The following GALNT13 variants were observed in gnomAD, a reference collection of about 807,000 sequenced individuals.
The protein encoded by GALNT13 is polypeptide N-acetylgalactosaminyltransferase 13.
GALNT13 carries 28 observed loss-of-function variants against 64.2 expected under a neutral mutation model. That is an observed-to-expected ratio of 0.44 (90% CI 0.32 to 0.60). The LOEUF is 0.60. GALNT13 is among the 20% of genes least tolerant of loss of function. The pLI is 0.05. For synonymous variants in GALNT13, 214 were observed against 224.6 expected, an observed-to-expected ratio of 0.95 and a Z score of 0.42; for missense variants, 577 against 669.8, an observed-to-expected ratio of 0.86 and a Z score of 1.53.
At chr2:153,650,350 A>C in the GALNT13 span, among the ~76,000 whole-genome samples, 3 of 152,056 alleles carry the variant, frequency 2.0e-5, no homozygotes, top group Non-Finnish European at 4.4e-5. Context: ...TTTTGAGCCT[A>C]TGTGTGTCTC....
At chr2:153,360,849 C>T in the GALNT13 span, among the ~76,000 whole-genome samples, 1 of 152,152 alleles carries the variant, frequency 6.6e-6, no homozygotes, top group Admixed American at 6.5e-5. Flanking sequence ...CAGCATGGCA[C>T]ACCTCCTCCA....
chr2:154,016,565 G>A (rs978057399), intron 3 of GALNT13, among the ~76,000 whole-genome samples: 16 of 152,178 alleles, frequency 1.1e-4, no homozygotes, highest in Admixed American at 2.6e-4. Context: ...CTACAGTCAT[G>A]CGCCACCATG....
chr2:153,440,289 T>C, the GALNT13 span, among the ~76,000 whole-genome samples: 5 of 152,228 alleles, frequency 3.3e-5, no homozygotes, highest in Non-Finnish European at 5.9e-5. Context: ...CTCATCCTTT[T>C]TCATGGCTGC....
At chr2:153,576,376 A>G in the GALNT13 span, among the ~76,000 whole-genome samples, 6 of 152,110 alleles carry the variant, frequency 3.9e-5, no homozygotes, top group South Asian at 2.1e-4. Context: ...TTTCTTCAAG[A>G]CCCAGAGCAC....
intron 4 of GALNT13, among the ~76,000 whole-genome samples, chr2:154,241,171 G>C (rs1396932096): frequency 2.0e-5 from 3 of 152,154 alleles, no homozygotes. Flanking sequence ...CTGCCTTCTA[G>C]AGTCTGGGGG....
intron 4 of GALNT13, among the ~76,000 whole-genome samples, chr2:154,182,053 A>G (rs962290476): frequency 2.2e-4 from 33 of 152,176 alleles, no homozygotes; most frequent in African/African-American, 7.7e-4. Context: ...AATATCAAAC[A>G]CTATGCTAAC....
At chr2:154,026,493 A>G (rs1697974690) in intron 3 of GALNT13, among the ~76,000 whole-genome samples, 1 of 152,200 alleles carries the variant, frequency 6.6e-6, no homozygotes, top group Admixed American at 6.5e-5. Context: ...GGTATAAACA[A>G]CAGAAATTTA....
intron 3 of GALNT13, among the ~76,000 whole-genome samples, chr2:154,077,829 T>TG (rs1250263533): frequency 1.3e-5 from 2 of 151,490 alleles, no homozygotes; most frequent in Non-Finnish European, 3.0e-5. Context: ...TCTGTCCACA[T>TG]GGGGGAAGGT....
At chr2:153,097,809 G>A in the GALNT13 span, among the ~76,000 whole-genome samples, 3 of 152,124 alleles carry the variant, frequency 2.0e-5, no homozygotes, top group African/African-American at 7.2e-5. Context: ...AGTGGCTCAA[G>A]CCTGTAAGCC....
At chr2:154,245,466 C>A in intron 6 of GALNT13, among the ~76,000 whole-genome samples, 1 of 152,116 alleles carries the variant, frequency 6.6e-6, no homozygotes, top group East Asian at 1.9e-4. Flanking sequence ...TATTTCTTTT[C>A]AATGGATTAT....
intron 8 of GALNT13, among the ~76,000 whole-genome samples, chr2:154,298,608 T>TAAATTGTATGTA (rs1190599505): frequency 2.6e-4 from 1 of 3,872 alleles, no homozygotes; most frequent in African/African-American, 7.5e-4. Context: ...AATGTATATA[T>TAAATTGTATGTA]TAATTTATAT....
At chr2:153,564,905 CAAAG>C in the GALNT13 span, among the ~76,000 whole-genome samples, 5 of 152,184 alleles carry the variant, frequency 3.3e-5, no homozygotes, top group East Asian at 9.7e-4. Context: ...CCTGAAGAAA[CAAAG>C]AGCCAAATTG....
chr2:154,309,943 TC>T (rs1171694207), intron 9 of GALNT13, among the ~76,000 whole-genome samples: 2 of 152,204 alleles, frequency 1.3e-5, no homozygotes, highest in African/African-American at 4.8e-5. Context: ...TGCCCAACTT[TC>T]CAGTCTTTTC....
the GALNT13 span, among the ~76,000 whole-genome samples, chr2:153,190,984 G>GCAAA: frequency 0.053 from 8,090 of 151,670 alleles, 656 homozygotes; most frequent in African/African-American, 0.18. Flanking sequence ...AAGGTCTTTT[G>GCAAA]GTTTTTCTAA....
At chr2:153,820,127 T>A in the GALNT13 span, among the ~76,000 whole-genome samples, 3 of 152,200 alleles carry the variant, frequency 2.0e-5, no homozygotes. Flanking sequence ...AAAGCTAGAC[T>A]AAGCAGAAGA....
the GALNT13 span, among the ~76,000 whole-genome samples, chr2:153,158,205 GT>G: frequency 3.3e-5 from 5 of 151,854 alleles, no homozygotes; most frequent in Non-Finnish European, 1.5e-5. Context: ...TCCCCTTAAG[GT>G]TTTATTAGTA....
intron 4 of GALNT13, among the ~76,000 whole-genome samples, chr2:154,205,162 C>T (rs1687373671): frequency 6.6e-6 from 1 of 152,130 alleles, no homozygotes. Context: ...CTTTATATTA[C>T]TTATTAAGGG....
chr2:154,014,056 G>C (rs1038685659), intron 3 of GALNT13, among the ~76,000 whole-genome samples: 1 of 152,190 alleles, frequency 6.6e-6, no homozygotes, highest in Non-Finnish European at 1.5e-5. Context: ...AGCAGGAGAG[G>C]CTGCTCAGAT....
chr2:154,127,209 A>G (rs1268658279), intron 3 of GALNT13, among the ~76,000 whole-genome samples: 2 of 152,158 alleles, frequency 1.3e-5, no homozygotes, highest in East Asian at 3.9e-4. Flanking sequence ...CTAAGCATAA[A>G]TTGCAATGGT....
Sources: gnomAD v4.1 joint callset for allele counts (sites outside exome capture counted in the v4.1 genomes callset) on GRCh38, gnomAD v4.1.1 for gene constraint, MANE v1.5 for transcripts, NCBI Gene and HGNC (gene_info 2026-07-23, HGNC 2026-07-21) for gene names.